MYCBP2: variants seen among roughly 807,000 people sequenced by gnomAD.
MYCBP2 encodes MYC binding protein 2.
In MYCBP2, 120 loss-of-function variants were observed where a neutral mutation model predicts 525.3. The ratio of observed to expected loss-of-function variants is 0.23; its 90% CI spans 0.20 to 0.27. The LOEUF (loss-of-function observed/expected upper bound fraction) is 0.27. Among genes scored for constraint, MYCBP2 ranks in the 10% least tolerant of loss-of-function variants. MYCBP2 has a pLI of 1.00. For missense variants in MYCBP2, 4,149 were observed against 5,657.1 expected (o/e 0.73, Z 8.55); for synonymous variants, 1,894 against 1,955.8 (o/e 0.97, Z 0.83).
In MYCBP2 at chr13:77,068,631, T is replaced by C. The variant is rs370863085; in HGVS notation, c.12105A>G (p.Gln4035=). The C allele has an allele frequency of 1.9e-6, 3 of 1,614,124 alleles. No individual in the cohort carries two copies. Among genetic ancestry groups the C allele is most frequent in the South Asian group, 1.1e-5 (1 of 91,080 alleles). Reference sequence around the variant, plus strand: ...AGAGATCCTGAAGCAGGGTTAGCTGTTGAGCCAGATATTGCCGGCCAACGT... The same window carrying C: ...AGAGATCCTGAAGCAGGGTTAGCTGCTGAGCCAGATATTGCCGGCCAACGT... The part of the protein sequence containing the change: ...GSNVGRQYLA[Q]QLTLLQDLFS... The change falls in exon 70 of 83, where the codon CAA becomes CAG. Residue 4035 remains glutamine (Q), a synonymous_variant. Transcript: ENST00000544440.
At chr13:77,268,780 CA>C (rs773374360) in intron 7 of MYCBP2, among the ~76,000 whole-genome samples, 397 of 128,678 alleles carry the variant, frequency 3.1e-3, no homozygotes, top group Middle Eastern at 7.7e-3. Context: ...ACTACAACTC[CA>C]AAAAAAAAAA....
chr13:77,315,841 G>A (rs867012244), intron 1 of MYCBP2, among the ~76,000 whole-genome samples: 5 of 146,986 alleles, frequency 3.4e-5, no homozygotes, highest in African/African-American at 1.3e-4. Flanking sequence ...GCTTCAGTGA[G>A]CCGAGATTAT....
At chr13:77,237,969 C>T (rs888974111) in intron 17 of MYCBP2, among the ~76,000 whole-genome samples, 12 of 152,144 alleles carry the variant, frequency 7.9e-5, no homozygotes, top group African/African-American at 1.9e-4. Context: ...ACATGCCGGA[C>T]GCGGTGGCTC....
chr13:77,057,419 C>T (rs1313638196), intron 78 of MYCBP2, among the ~76,000 whole-genome samples: 2 of 152,070 alleles, frequency 1.3e-5, no homozygotes, highest in Non-Finnish European at 1.5e-5. Flanking sequence ...AAATTACTGA[C>T]TTATGATTTT....
chr13:77,062,997 T>C (rs891997896), intron 73 of MYCBP2, among the ~76,000 whole-genome samples: 2 of 152,218 alleles, frequency 1.3e-5, no homozygotes, highest in African/African-American at 4.8e-5. Flanking sequence ...AAACAACATA[T>C]GAATAAATGA....
At chr13:77,315,632 C>T (rs1296385334) in intron 1 of MYCBP2, among the ~76,000 whole-genome samples, 4 of 152,206 alleles carry the variant, frequency 2.6e-5, no homozygotes, top group African/African-American at 9.6e-5. Flanking sequence ...CGATGGCTCA[C>T]GCCTGTAATC....
intron 28 of MYCBP2, among the ~76,000 whole-genome samples, chr13:77,191,467 T>C (rs1363753522): frequency 6.6e-6 from 1 of 152,220 alleles, no homozygotes; most frequent in Non-Finnish European, 1.5e-5. Flanking sequence ...AAATACCATC[T>C]GACAGGAGCA....
chr13:77,046,046 G>T (rs1346528016), intron 82 of MYCBP2, among the ~76,000 whole-genome samples: 4 of 152,142 alleles, frequency 2.6e-5, no homozygotes, highest in Non-Finnish European at 5.9e-5. Context: ...GCAGGAAAAT[G>T]AAAGTTATCA....
In MYCBP2 at chr13:77,058,915, G is replaced by A. The variant is rs1380723956; in HGVS notation, c.13141-509C>T. On this transcript the variant is annotated intron_variant, in intron 77 of 82. Coordinates refer to ENST00000544440, the MANE Select transcript of MYCBP2 (RefSeq NM_015057.5). This position sits in a 1 kb window ranked among gnomAD's most constrained non-coding sequence, Gnocchi z 4.1. ...CAGGAGAATCGCTTGAACCCGGGAG[G>A]CGGAGGTTGCAGTGAGCCGAGATCG... 1.3e-5 allele frequency among the ~76,000 whole-genome samples: 2 copies of A among 152,074 alleles called. No individual in the cohort carries two copies. Among genetic ancestry groups the A allele is most frequent in the East Asian group, 1.9e-4 (1 of 5,198 alleles).
chr13:77,057,202 A>G (rs902276626), intron 78 of MYCBP2, 109 bp from the exon 79 acceptor site: 13 of 714,786 alleles, frequency 1.8e-5, no homozygotes, highest in Admixed American at 1.0e-4. Flanking sequence ...TAAGAGAAAA[A>G]TCAAGAAATT....
chr13:77,162,627 G>A (rs923442933), intron 43 of MYCBP2, among the ~76,000 whole-genome samples: 6 of 151,970 alleles, frequency 3.9e-5, no homozygotes, highest in Admixed American at 6.6e-5. Context: ...AAACCAAAAA[G>A]GTATATGTGT....
At chr13:77,121,083 G>A (rs188827471) in intron 55 of MYCBP2, 469 of 183,286 alleles carry the variant, frequency 2.6e-3, no homozygotes, top group Non-Finnish European at 3.7e-3. Flanking sequence ...ACTAGATTTA[G>A]TGAAATAGAA....
Position 77,083,027 on chromosome 13 carries a change from A to G in MYCBP2, c.11036+5T>C. On this transcript the variant is annotated splice_donor_5th_base_variant and intron_variant, in intron 63 of 82. Coordinates refer to ENST00000544440, the MANE Select transcript of MYCBP2 (RefSeq NM_015057.5). ...GTACCTAGGATATGTGGATACCAAA[A>G]TTACCTCAGGGCCATTTGCTGTAAT... The G allele has an allele frequency of 6.2e-7, 1 of 1,610,518 alleles. No individual in the cohort carries two copies. The highest frequency in any genetic ancestry group is 8.5e-7 in the Non-Finnish European group (1 of 1,178,368).
chr13:77,116,452 T>C (rs115276949), intron 55 of MYCBP2, among the ~76,000 whole-genome samples: 2,301 of 152,084 alleles, frequency 0.015, 43 homozygotes, highest in African/African-American at 0.052. Flanking sequence ...AAAATACAAT[T>C]CTGAATTATT....
intron 1 of MYCBP2, among the ~76,000 whole-genome samples, chr13:77,319,776 C>T (rs571509286): frequency 3.3e-5 from 5 of 152,286 alleles, no homozygotes; most frequent in Non-Finnish European, 5.9e-5. Context: ...AGTATTAGTG[C>T]TCCATCTAGC....
At chr13:77,123,577 C>G (rs907157945) in intron 54 of MYCBP2, among the ~76,000 whole-genome samples, 12 of 152,196 alleles carry the variant, frequency 7.9e-5, no homozygotes, top group Non-Finnish European at 1.8e-4. Flanking sequence ...TGGTTATGAC[C>G]TATAAGGTCA....
At position 77,323,103 on chromosome 13, in the gene MYCBP2, A is replaced by G. The variant is rs545244971; in HGVS notation, c.302+3371T>C. On this transcript the variant is annotated intron_variant, in intron 1 of 82. Coordinates refer to ENST00000544440, the MANE Select transcript of MYCBP2 (RefSeq NM_015057.5). ...GCCAAGCACATACATTGATTCATTTAATCTACAAAACAATTCATGTTAGTA... is the reference window on the plus strand; with the variant it reads ...GCCAAGCACATACATTGATTCATTTGATCTACAAAACAATTCATGTTAGTA... Among the ~76,000 whole-genome samples, 37 of 152,364 alleles carry G rather than the reference A, an allele frequency of 2.4e-4. No homozygotes were observed. In the South Asian group the frequency reaches 7.7e-3, roughly 32 times the overall value.
chr13:77,303,767 T>A lies in MYCBP2; in HGVS notation c.303-7093A>T, dbSNP rs1388971219. On this transcript the variant is annotated intron_variant, in intron 1 of 82. Transcript: ENST00000544440. ...CCTTTTGCATACACATAAATGCATA[T>A]ACTGAAAAAAAAAACACTGAAAGTA... 6.4e-5 allele frequency among the ~76,000 whole-genome samples: 6 copies of A among 93,414 alleles called. No homozygotes were observed. In the South Asian group the frequency reaches 1.7e-3, roughly 27 times the overall value. 61.3% of individuals were successfully genotyped at this position (93,414 alleles called of 152,430 possible). A position where few individuals can be genotyped will look rare whatever the true frequency, so the allele number is the denominator to read the frequency against.
chr13:77,223,201 C>A (rs2154294074), intron 20 of MYCBP2, among the ~76,000 whole-genome samples: 2 of 152,320 alleles, frequency 1.3e-5, no homozygotes, highest in South Asian at 4.1e-4. Context: ...CCCTGGGGTG[C>A]TACCAGCTGT....
Sources: gnomAD v4.1 joint callset for allele counts (sites outside exome capture counted in the v4.1 genomes callset) on GRCh38, gnomAD v4.1.1 for gene constraint, Gnocchi (gnomAD v3.1) non-coding constraint, MANE v1.5 for transcripts, NCBI Gene and HGNC (gene_info 2026-07-23, HGNC 2026-07-21) for gene names.